Variants in CLEC1A observed in about 807,000 individuals in gnomAD.
CLEC1A encodes the protein C-type lectin domain family 1 member A, also known as C-type lectin-like receptor-1.
Under a neutral mutation model 28.7 loss-of-function variants are expected in CLEC1A, and 34 were observed. The observed-to-expected ratio is 1.18, with a 90% CI of 0.90 to 1.57. CLEC1A has a LOEUF of 1.57. Among genes scored for constraint, CLEC1A ranks in the 40% most tolerant of loss-of-function variants. The pLI, the probability that CLEC1A is intolerant of heterozygous loss-of-function variation, is 0.00. For synonymous variants in CLEC1A, 116 were observed against 121.0 expected, an observed-to-expected ratio of 0.96 and a Z score of 0.27; for missense variants, 385 against 339.5, an observed-to-expected ratio of 1.13 and a Z score of -1.05.
In CLEC1A at chr12:10,081,414, C is replaced by T; in HGVS notation, c.215-1G>A. On this transcript the variant is annotated splice_acceptor_variant, in intron 2 of 5. Transcript: ENST00000315330. LOFTEE classifies it high-confidence loss of function. ...TTGGAGAGCTGGTAGTACTGAAAAA[C>T]TAACCCAAATGACCAAGTCAGACTG... The T allele has an allele frequency of 6.3e-7, 1 of 1,591,038 alleles. No homozygotes were observed. Among genetic ancestry groups the T allele is most frequent in the Non-Finnish European group, 8.5e-7 (1 of 1,171,102 alleles).
At chr12:10,091,675 A>G (rs1293729410) in intron 1 of CLEC1A, among the ~76,000 whole-genome samples, 1 of 151,704 alleles carries the variant, frequency 6.6e-6, no homozygotes, top group African/African-American at 2.4e-5. Flanking sequence ...AAAAGATTAG[A>G]GGCAGAATAT....
chr12:10,094,659 A>G (rs1301193366), intron 1 of CLEC1A, among the ~76,000 whole-genome samples: 2 of 152,132 alleles, frequency 1.3e-5, no homozygotes, highest in African/African-American at 4.8e-5. Context: ...TATCCTCCCA[A>G]CACATCTCAG....
intron 2 of CLEC1A, among the ~76,000 whole-genome samples, chr12:10,082,238 G>A (rs1050831984): frequency 2.6e-5 from 4 of 152,128 alleles, no homozygotes; most frequent in African/African-American, 7.2e-5. Context: ...GGGGAGCGGC[G>A]TGGCCTGAAA....
rs537557690 is a variant in CLEC1A at position 10,083,490 on chromosome 12, A to G, written c.215-2077T>C. Among the ~76,000 whole-genome samples the G allele has an allele frequency of 5.9e-5, 9 of 152,294 alleles. No individual in the cohort carries two copies. In the South Asian group the frequency reaches 1.9e-3, roughly 32 times the overall value. On this transcript the variant is annotated intron_variant, in intron 2 of 5. Coordinates refer to ENST00000315330, the MANE Select transcript of CLEC1A (RefSeq NM_016511.4). ...ATGGTTTTCTTTCTTTCTTTTTGAG[A>G]CAGAATCTCACTCTGTTGCCCAGGC...
At chr12:10,091,687 T>G (rs1364950995) in intron 1 of CLEC1A, among the ~76,000 whole-genome samples, 1 of 151,366 alleles carries the variant, frequency 6.6e-6, no homozygotes, top group Admixed American at 6.6e-5. Flanking sequence ...GCAGAATATA[T>G]AGTTTGGGTT....
At chr12:10,078,842 T>C (rs1008985523) in intron 3 of CLEC1A, among the ~76,000 whole-genome samples, 1 of 152,120 alleles carries the variant, frequency 6.6e-6, no homozygotes, top group Non-Finnish European at 1.5e-5. Flanking sequence ...GAGTTCTCGC[T>C]CTATGAGTCC....
chr12:10,083,103 A>G (rs181446928), intron 2 of CLEC1A, among the ~76,000 whole-genome samples: 2 of 152,314 alleles, frequency 1.3e-5, no homozygotes, highest in Admixed American at 1.3e-4. Context: ...CTAGACCCAG[A>G]AGAGAATAAC....
chr12:10,073,888 G>C (rs931000638), intron 4 of CLEC1A, among the ~76,000 whole-genome samples: 1 of 152,146 alleles, frequency 6.6e-6, no homozygotes, highest in Non-Finnish European at 1.5e-5. Flanking sequence ...AGACTAGGAA[G>C]AGAAGAAAGA....
At chr12:10,076,341 T>C (rs1479514120) in intron 3 of CLEC1A, among the ~76,000 whole-genome samples, 1 of 152,194 alleles carries the variant, frequency 6.6e-6, no homozygotes, top group Non-Finnish European at 1.5e-5. Context: ...ACCCAAGTCA[T>C]ATCTATAACA....
chr12:10,096,079 CTTTA>C (rs1191692980), intron 1 of CLEC1A, among the ~76,000 whole-genome samples: 12 of 152,104 alleles, frequency 7.9e-5, no homozygotes, highest in Admixed American at 7.9e-4. Context: ...ACCTCATTTA[CTTTA>C]TTTATTTAAT....
In CLEC1A at chr12:10,071,195, A is replaced by G; in HGVS notation, c.*138T>C. 1 of 739,664 alleles carries G rather than the reference A, an allele frequency of 1.4e-6. No individual in the cohort carries two copies. Among genetic ancestry groups the G allele is most frequent in the Non-Finnish European group, 2.1e-6 (1 of 467,596 alleles). 45.8% of individuals were successfully genotyped at this position (739,664 alleles called of 1,614,324 possible). ...AGCTCAGAAATGCTGGTGATCCTGA[A>G]CAGGAAACACGAGAACCCATTTTGT... On this transcript the variant is annotated 3_prime_UTR_variant, in exon 6 of 6. Coordinates refer to ENST00000315330, the MANE Select transcript of CLEC1A (RefSeq NM_016511.4).
Position 10,095,738 on chromosome 12 carries a change from A to G in CLEC1A, c.115+3070T>C, listed in dbSNP as rs184107096. ...GTTATTTGTTGTTTTTAAAACTCACAGTCATTATCATTGACTTTTCTAAAA... is the reference window on the plus strand; with the variant it reads ...GTTATTTGTTGTTTTTAAAACTCACGGTCATTATCATTGACTTTTCTAAAA... On this transcript the variant is annotated intron_variant, in intron 1 of 5. Coordinates refer to ENST00000315330, the MANE Select transcript of CLEC1A (RefSeq NM_016511.4). Among the ~76,000 whole-genome samples, 576 of 152,296 alleles carry G rather than the reference A, an allele frequency of 3.8e-3. 5 individuals carry two copies. The highest frequency in any genetic ancestry group is 0.013 in the African/African-American group (526 of 41,572).
At chr12:10,080,606 G>C (rs1052527026) in intron 3 of CLEC1A, among the ~76,000 whole-genome samples, 6 of 152,184 alleles carry the variant, frequency 3.9e-5, no homozygotes, top group African/African-American at 1.4e-4. Flanking sequence ...AGAAGAGAGA[G>C]CTGACCTGAA....
chr12:10,073,232 T>G (rs1866174175), intron 5 of CLEC1A, 61 bp downstream of exon 5: 2 of 1,276,612 alleles, frequency 1.6e-6, no homozygotes, highest in Non-Finnish European at 2.3e-6. Flanking sequence ...TCTTGAGCTC[T>G]ATCACTCAAG....
In CLEC1A at chr12:10,088,617, C is replaced by CT. The variant is rs145756735; in HGVS notation, c.214+506dup. On this transcript the variant is annotated intron_variant, in intron 2 of 5. Coordinates refer to ENST00000315330, the MANE Select transcript of CLEC1A (RefSeq NM_016511.4). ...TGAAATTTAAATATTTTTAGATATG[C>CT]TTTTTTCCAATTTGATTTTCACAAG... Among the ~76,000 whole-genome samples the CT allele has an allele frequency of 6.9e-3, 1,050 of 152,116 alleles. 7 individuals are homozygous for CT. Among genetic ancestry groups the CT allele is most frequent in the African/African-American group, 0.023 (962 of 41,498 alleles).
At position 10,073,331 on chromosome 12, in the gene CLEC1A, G is replaced by C; in HGVS notation, c.624C>G (p.Ala208=). Residue 208 remains alanine (A), a synonymous_variant, in exon 5 of 6, where the codon GCC becomes GCG. Transcript: ENST00000315330. ...TGLLRPDSGK[A]WLWMDGTPFT... ...AAGGGGTTCCATCCATCCACAGCCA[G>C]GCCTTGCCACTGTCAGGGCGCAAAA... is the stretch of plus-strand genomic sequence containing the variant. The C allele has an allele frequency of 6.2e-7, 1 of 1,613,750 alleles. No homozygotes were observed. Among genetic ancestry groups the C allele is most frequent in the South Asian group, 1.1e-5 (1 of 91,040 alleles).
Position 10,081,277 on chromosome 12 carries a change from C to A in CLEC1A, c.351G>T (p.Val117=). The change falls in exon 3 of 6, where the codon GTG becomes GTT. Residue 117 remains valine (V), a synonymous_variant. Coordinates refer to ENST00000315330, the MANE Select transcript of CLEC1A (RefSeq NM_016511.4). ...ACAGCTCACGACAGAGTTTTTCAGC[C>A]ACATGCTGCAGACTTCCTGCAAGCT... ...NIKLAGSLQH[V]AEKLCRELYN... 6.2e-7 allele frequency: 1 copy of A among 1,611,012 alleles called. No homozygotes were observed. The highest frequency in any genetic ancestry group is 1.7e-4 in the Middle Eastern group (1 of 6,056).
chr12:10,073,473 A>G (rs1321019112), intron 4 of CLEC1A, 62 bp from the exon 5 acceptor site: 2 of 1,221,374 alleles, frequency 1.6e-6, no homozygotes, highest in East Asian at 2.3e-5. Flanking sequence ...ATGTACAGAC[A>G]TGCATGGGCC....
Position 10,069,625 on chromosome 12 carries a change from G to A in CLEC1A, c.*1708C>T, listed in dbSNP as rs1198846456. ...AATTATAATTATTTCTACTTCATAT[G>A]CAGTGAAATAGGTTTCATGAAGTAA... On this transcript the variant is annotated 3_prime_UTR_variant, in exon 6 of 6. Transcript: ENST00000315330. 6.6e-6 allele frequency: 1 copy of A among 152,110 alleles called. No homozygotes were observed. The highest frequency in any genetic ancestry group is 1.5e-5 in the Non-Finnish European group (1 of 68,022). The allele number at this position is 152,110 out of a possible 1,614,324, so 9.4% of individuals were successfully genotyped here.
Sources: gnomAD v4.1 joint callset for allele counts (sites outside exome capture counted in the v4.1 genomes callset) on GRCh38, gnomAD v4.1.1 for gene constraint, MANE v1.5 for transcripts, NCBI Gene and HGNC (gene_info 2026-07-23, HGNC 2026-07-21) for gene names.